Variants in SCTR observed in about 807,000 individuals in gnomAD.
The protein encoded by SCTR is pancreatic secretin receptor.
Under a neutral mutation model 60.8 loss-of-function variants are expected in SCTR, and 56 were observed. The ratio of observed to expected loss-of-function variants is 0.92; its 90% CI spans 0.74 to 1.15. The LOEUF is 1.15. SCTR is among the 50% of genes most tolerant of loss of function. The pLI is 0.00. For missense variants in SCTR, 562 were observed against 550.4 expected (o/e 1.02, Z -0.21); for synonymous variants, 202 against 217.0 (o/e 0.93, Z 0.61).
chr2:119,450,291 T>C (rs1184671189), intron 9 of SCTR, among the ~76,000 whole-genome samples: 2 of 152,148 alleles, frequency 1.3e-5, no homozygotes, highest in African/African-American at 4.8e-5. Context: ...TCATCCAACA[T>C]CCTCAATTGC....
intron 2 of SCTR, among the ~76,000 whole-genome samples, chr2:119,492,938 G>A (rs1051301724): frequency 2.0e-5 from 3 of 151,846 alleles, no homozygotes; most frequent in Non-Finnish European, 4.4e-5. Flanking sequence ...GATCTCTGCA[G>A]CCTCTACCTC....
chr2:119,510,367 G>A (rs892587373), intron 1 of SCTR, among the ~76,000 whole-genome samples: 3 of 152,168 alleles, frequency 2.0e-5, no homozygotes, highest in African/African-American at 4.8e-5. Context: ...TCATTCTGCT[G>A]AGAGGACTGA....
intron 1 of SCTR, among the ~76,000 whole-genome samples, chr2:119,522,596 C>A (rs1679322836): frequency 6.6e-6 from 1 of 152,156 alleles, no homozygotes; most frequent in Non-Finnish European, 1.5e-5. Flanking sequence ...TCATTTTCCC[C>A]TTCCATTTAT....
intron 1 of SCTR, among the ~76,000 whole-genome samples, chr2:119,508,346 T>A (rs1162348858): frequency 6.6e-6 from 1 of 151,582 alleles, no homozygotes; most frequent in African/African-American, 2.4e-5. Flanking sequence ...TCTAAAAATT[T>A]TCTTTTTCTT....
intron 7 of SCTR, 64 bp downstream of exon 7, chr2:119,461,783 C>A (rs1388527060): frequency 7.1e-7 from 1 of 1,405,430 alleles, no homozygotes; most frequent in South Asian, 1.5e-5. Context: ...CCGAACCCTC[C>A]GACTCTCGAC....
At chr2:119,453,260 C>T in intron 8 of SCTR, 27 bp downstream of exon 8, 1 of 1,539,158 alleles carries the variant, frequency 6.5e-7, no homozygotes, top group African/African-American at 1.4e-5. Context: ...CAGATACATT[C>T]TTGTTATCCT....
chr2:119,486,478 C>A (rs565303973), intron 2 of SCTR: 3 of 152,368 alleles, frequency 2.0e-5, no homozygotes, highest in East Asian at 3.9e-4. Flanking sequence ...CTCTTCCTCA[C>A]CTGACCTAAA....
At chr2:119,440,854 C>T (rs1028501024) in intron 12 of SCTR, among the ~76,000 whole-genome samples, 15 of 152,248 alleles carry the variant, frequency 9.9e-5, no homozygotes, top group Non-Finnish European at 1.9e-4. Context: ...CCAGCTGCAG[C>T]AGCTGAACCT....
chr2:119,444,008 T>C (rs1243356180), intron 11 of SCTR, among the ~76,000 whole-genome samples: 2 of 142,410 alleles, frequency 1.4e-5, no homozygotes, highest in Admixed American at 6.8e-5. Flanking sequence ...TAGGTAGGGA[T>C]GGAGATGAAA....
chr2:119,522,437 C>G (rs980873030), intron 1 of SCTR, among the ~76,000 whole-genome samples: 3 of 152,126 alleles, frequency 2.0e-5, no homozygotes, highest in African/African-American at 7.2e-5. Context: ...AGCTGCTAGT[C>G]CCGGCTCTAC....
rs369463260 is a variant in SCTR, at chr2:119,465,822, A to T, written c.470T>A (p.Leu157His). The T allele has an allele frequency of 5.0e-6, 8 of 1,613,996 alleles. No individual in the cohort carries two copies. The highest frequency in any genetic ancestry group is 6.8e-6 in the Non-Finnish European group (8 of 1,179,920). Reference protein sequence around the residue: ...TVGYSSSLVMLLVALGILCAF... With the variant: ...TVGYSSSLVMHLVALGILCAF... ...ACAGAGGATGCCAAGGGCGACCAGG[A>T]GCATGACCAGGGAGGAGCTGTAGCC... The change falls in exon 5 of 13, where the codon CTC (leucine) becomes CAC (histidine). Residue 157 changes from leucine to histidine, a missense_variant. Coordinates refer to ENST00000019103, the MANE Select transcript of SCTR (RefSeq NM_002980.3).
At chr2:119,494,816 C>A (rs1678283865) in intron 1 of SCTR, among the ~76,000 whole-genome samples, 1 of 152,190 alleles carries the variant, frequency 6.6e-6, no homozygotes, top group Admixed American at 6.5e-5. Context: ...CTCCTGAGCC[C>A]AACAAGCTGT....
intron 2 of SCTR, 121 bp downstream of exon 2, chr2:119,494,307 G>A (rs188227277): frequency 2.7e-6 from 3 of 1,123,690 alleles, no homozygotes; most frequent in South Asian, 3.1e-5. Flanking sequence ...GATTGTCTGA[G>A]TGAGAAAAGC....
chr2:119,511,942 A>G (rs1678959062), intron 1 of SCTR, among the ~76,000 whole-genome samples: 2 of 152,142 alleles, frequency 1.3e-5, no homozygotes, highest in South Asian at 2.1e-4. Context: ...CTCTTCTTGT[A>G]TTGTTAATAA....
intron 6 of SCTR, among the ~76,000 whole-genome samples, chr2:119,463,857 A>G (rs1223252632): frequency 6.6e-6 from 1 of 152,030 alleles, no homozygotes; most frequent in Non-Finnish European, 1.5e-5. Context: ...TCTAATTCCT[A>G]GAGTGACCAG....
intron 1 of SCTR, among the ~76,000 whole-genome samples, chr2:119,520,160 G>A (rs1679245706): frequency 6.6e-6 from 1 of 151,966 alleles, no homozygotes; most frequent in African/African-American, 2.4e-5. Flanking sequence ...TGTTTTTCCA[G>A]GTACACAAAA....
At position 119,524,150 on chromosome 2, in the gene SCTR, C is replaced by A; in HGVS notation, c.72+5G>T. On this transcript the variant is annotated splice_donor_5th_base_variant and intron_variant, in intron 1 of 12. Coordinates refer to ENST00000019103, the MANE Select transcript of SCTR (RefSeq NM_002980.3). The stretch of plus-strand genomic sequence containing the variant: ...CCCCAGCCTGCAGAAGGGCGCAGTA[C>A]TCACCGAGTGCGCGGCGCAGGCGAG... 6.5e-7 allele frequency: 1 copy of A among 1,539,794 alleles called. No homozygotes were observed. Among genetic ancestry groups the A allele is most frequent in the African/African-American group, 1.4e-5 (1 of 71,776 alleles).
intron 9 of SCTR, among the ~76,000 whole-genome samples, chr2:119,449,803 AC>A (rs1683075935): frequency 6.6e-6 from 1 of 152,056 alleles, no homozygotes. Flanking sequence ...TTTTCGGGGA[AC>A]CCTGCTTCTC....
intron 7 of SCTR, among the ~76,000 whole-genome samples, chr2:119,458,927 G>A (rs1406153194): frequency 2.6e-5 from 4 of 152,196 alleles, no homozygotes; most frequent in African/African-American, 4.8e-5. Flanking sequence ...ACTCTCACTC[G>A]CTGAGTGGCA....
Sources: gnomAD v4.1 joint callset for allele counts (sites outside exome capture counted in the v4.1 genomes callset) on GRCh38, gnomAD v4.1.1 for gene constraint, MANE v1.5 for transcripts, NCBI Gene and HGNC (gene_info 2026-07-23, HGNC 2026-07-21) for gene names.